PRKAG2: variants seen among roughly 807,000 people sequenced by gnomAD.
The protein encoded by PRKAG2 is 5'-AMP-activated protein kinase subunit gamma-2.
PRKAG2 carries 26 observed loss-of-function variants against 69.6 expected under a neutral mutation model. That is an observed-to-expected ratio of 0.37 (90% CI 0.27 to 0.52). The LOEUF (loss-of-function observed/expected upper bound fraction) is 0.52. Ranked by LOEUF, PRKAG2 falls within the 20% of genes least tolerant of loss-of-function variation. The pLI, the probability that PRKAG2 is intolerant of heterozygous loss-of-function variation, is 0.90. For synonymous variants in PRKAG2, 293 were observed against 285.0 expected, an observed-to-expected ratio of 1.03 and a Z score of -0.28; for missense variants, 557 against 740.0, an observed-to-expected ratio of 0.75 and a Z score of 2.87.
intron 3 of PRKAG2, among the ~76,000 whole-genome samples, chr7:151,722,135 G>A (rs1012142382): frequency 6.6e-5 from 10 of 152,124 alleles, no homozygotes; most frequent in African/African-American, 1.4e-4. Flanking sequence ...CCTGTAACCC[G>A]TATTTCTCAT....
intron 5 of PRKAG2, among the ~76,000 whole-genome samples, chr7:151,626,257 A>G (rs1822880217): frequency 6.6e-6 from 1 of 152,148 alleles, no homozygotes; most frequent in Non-Finnish European, 1.5e-5. Context: ...TCCGGTGACA[A>G]AACCTCTATC....
At chr7:151,670,727 T>G (rs1039423951) in intron 4 of PRKAG2, among the ~76,000 whole-genome samples, 1 of 152,236 alleles carries the variant, frequency 6.6e-6, no homozygotes, top group African/African-American at 2.4e-5. Flanking sequence ...CTATGCATAA[T>G]GCACGGAGCT....
chr7:151,782,275 T>G, intron 2 of PRKAG2, among the ~76,000 whole-genome samples: 1 of 139,974 alleles, frequency 7.1e-6, no homozygotes, highest in African/African-American at 2.7e-5. Flanking sequence ...AAAACGAGAC[T>G]CCATTTCAAG....
At chr7:151,598,883 C>T (rs969621840) in intron 5 of PRKAG2, among the ~76,000 whole-genome samples, 1 of 151,240 alleles carries the variant, frequency 6.6e-6, no homozygotes, top group Non-Finnish European at 1.5e-5. Flanking sequence ...CAGAGTTTAG[C>T]TCTTGTTGCC....
In PRKAG2 at chr7:151,614,654, A is replaced by G. The variant is rs1210740473; in HGVS notation, c.754+17415T>C. Among the ~76,000 whole-genome samples, 5 of 152,034 alleles carry G rather than the reference A, an allele frequency of 3.3e-5. No individual in the cohort carries two copies. Among genetic ancestry groups the G allele is most frequent in the Admixed American group, 1.3e-4 (2 of 15,268 alleles). On this transcript the variant is annotated intron_variant, in intron 5 of 15. Coordinates refer to ENST00000287878, the MANE Select transcript of PRKAG2 (RefSeq NM_016203.4). The surrounding 1 kb of genome is among the most constrained non-coding windows in gnomAD (Gnocchi z 4.4). The stretch of plus-strand genomic sequence containing the variant: ...CTCCACTCCACTGCCTTTCTTTCAG[A>G]GCAAACAGCTCGCAGTGATGATCTG...
chr7:151,707,206 T>C (rs1438785680), intron 3 of PRKAG2, among the ~76,000 whole-genome samples: 1 of 152,136 alleles, frequency 6.6e-6, no homozygotes, highest in Non-Finnish European at 1.5e-5. Context: ...TGCCCAAACT[T>C]GAGCTGCCGT....
At chr7:151,765,375 G>C (rs898054200) in intron 3 of PRKAG2, among the ~76,000 whole-genome samples, 5 of 152,224 alleles carry the variant, frequency 3.3e-5, no homozygotes, top group African/African-American at 1.2e-4. Flanking sequence ...GCAATGGGAA[G>C]TCTGCCCCTA....
intron 3 of PRKAG2, among the ~76,000 whole-genome samples, chr7:151,775,389 TC>T (rs2151790640): frequency 6.6e-6 from 1 of 152,332 alleles, no homozygotes; most frequent in East Asian, 1.9e-4. Context: ...CTTGGAAAGA[TC>T]CACGAATTCT....
chr7:151,556,458 G>A lies in PRKAG2; in HGVS notation c.*743C>T, dbSNP rs992168025. The A allele has an allele frequency of 2.6e-5, 4 of 152,608 alleles. No individual in the cohort carries two copies. Among genetic ancestry groups the A allele is most frequent in the Non-Finnish European group, 5.9e-5 (4 of 68,052 alleles). 9.5% of individuals were successfully genotyped at this position (152,608 alleles called of 1,614,324 possible). On this transcript the variant is annotated 3_prime_UTR_variant, in exon 16 of 16. Coordinates refer to ENST00000287878, the MANE Select transcript of PRKAG2 (RefSeq NM_016203.4). ...ACCTCAGCTTTTAAAACCCAGCAGC[G>A]GCTATTTCAGAAGTCATGTCCTTTC...
At chr7:151,799,911 C>T (rs1043026368) in intron 1 of PRKAG2, among the ~76,000 whole-genome samples, 6 of 152,230 alleles carry the variant, frequency 3.9e-5, no homozygotes, top group Non-Finnish European at 7.3e-5. Context: ...GCTAACAACA[C>T]TCACAACAAC....
intron 6 of PRKAG2, among the ~76,000 whole-genome samples, chr7:151,594,959 C>T (rs926151182): frequency 2.6e-5 from 4 of 152,084 alleles, no homozygotes; most frequent in Non-Finnish European, 4.4e-5. Context: ...CCACCACACC[C>T]GGTTAATTTT....
intron 1 of PRKAG2, among the ~76,000 whole-genome samples, chr7:151,798,015 T>C (rs552577719): frequency 2.4e-4 from 37 of 152,102 alleles, no homozygotes; most frequent in Admixed American, 5.9e-4. Context: ...TTGTTTGTTT[T>C]TTCCCCTGAG....
chr7:151,799,655 C>T (rs891320339), intron 1 of PRKAG2, among the ~76,000 whole-genome samples: 1 of 152,198 alleles, frequency 6.6e-6, no homozygotes, highest in Admixed American at 6.5e-5. Flanking sequence ...CTGTCGTGTC[C>T]TCCAGACTGA....
At chr7:151,594,560 T>G (rs1184891171) in intron 6 of PRKAG2, among the ~76,000 whole-genome samples, 1 of 152,238 alleles carries the variant, frequency 6.6e-6, no homozygotes, top group Non-Finnish European at 1.5e-5. Context: ...GGTTCTTCTT[T>G]CAAAAGATTG....
intron 3 of PRKAG2, among the ~76,000 whole-genome samples, chr7:151,708,049 T>C (rs1435018407): frequency 1.3e-5 from 2 of 152,182 alleles, no homozygotes; most frequent in African/African-American, 4.8e-5. Context: ...TGGCCCCCGC[T>C]GTCCACAAGG....
chr7:151,772,673 T>C (rs1208370361), intron 3 of PRKAG2, among the ~76,000 whole-genome samples: 1 of 152,168 alleles, frequency 6.6e-6, no homozygotes. Flanking sequence ...TAAAGTTTAG[T>C]TCCACACGGA....
intron 1 of PRKAG2, among the ~76,000 whole-genome samples, chr7:151,787,572 G>A (rs549157002): frequency 6.6e-6 from 1 of 152,296 alleles, no homozygotes; most frequent in African/African-American, 2.4e-5. Flanking sequence ...CATTGTATGA[G>A]TAGACCACAT....
intron 1 of PRKAG2, among the ~76,000 whole-genome samples, chr7:151,803,019 G>A (rs1441910571): frequency 6.6e-6 from 1 of 151,456 alleles, no homozygotes; most frequent in African/African-American, 2.4e-5. Flanking sequence ...GCGCAGTGGT[G>A]TGATCTCAGC....
At chr7:151,726,068 G>A (rs752951276) in intron 3 of PRKAG2, among the ~76,000 whole-genome samples, 2 of 152,140 alleles carry the variant, frequency 1.3e-5, no homozygotes, top group Non-Finnish European at 2.9e-5. Context: ...CAGCCTCAGA[G>A]ATGGTGCTCC....
Sources: allele counts gnomAD v4.1 joint callset (sites outside exome capture counted in the v4.1 genomes callset), GRCh38; gene constraint gnomAD v4.1.1; non-coding constraint Gnocchi (gnomAD v3.1); transcripts MANE v1.5; gene names NCBI Gene and HGNC (gene_info 2026-07-23, HGNC 2026-07-21).